Variants in GCNT2 observed in about 807,000 individuals in gnomAD.
GCNT2 encodes the protein N-acetyllactosaminide beta-1,6-N-acetylglucosaminyl-transferase.
A neutral mutation model predicts 34.2 loss-of-function variants in GCNT2; 34 were observed. The observed-to-expected ratio is 1.00, with a 90% confidence interval of 0.76 to 1.32. The LOEUF (loss-of-function observed/expected upper bound fraction) is 1.32, where lower values mean the gene tolerates loss of function less well. GCNT2 is among the 40% of genes most tolerant of loss of function. The pLI, the probability that GCNT2 is intolerant of heterozygous loss-of-function variation, is 0.00. For synonymous variants in GCNT2, 212 were observed against 188.0 expected, an observed-to-expected ratio of 1.13 and a Z score of -1.04; for missense variants, 584 against 489.4, an observed-to-expected ratio of 1.19 and a Z score of -1.82.
chr6:10,582,503 A>T (rs1250728385), intron 3 of GCNT2, among the ~76,000 whole-genome samples: 9,583 of 119,742 alleles, frequency 0.08, 580 homozygotes, highest in Non-Finnish European at 0.12. Context: ...TATATAATAT[A>T]ATACATCATA....
chr6:10,532,603 C>T (rs1048732543), intron 3 of GCNT2, among the ~76,000 whole-genome samples: 3 of 152,176 alleles, frequency 2.0e-5, no homozygotes, highest in Non-Finnish European at 4.4e-5. Context: ...TTCCAAGAGG[C>T]TGGGACTACA....
chr6:10,608,928 A>G (rs1765436126), intron 3 of GCNT2, among the ~76,000 whole-genome samples: 12 of 152,216 alleles, frequency 7.9e-5, no homozygotes, highest in Admixed American at 7.9e-4. Context: ...ATGTAGGTGA[A>G]TGAAACACGT....
At chr6:10,534,481 T>C (rs1265337876) in intron 3 of GCNT2, among the ~76,000 whole-genome samples, 1 of 152,074 alleles carries the variant, frequency 6.6e-6, no homozygotes, top group Non-Finnish European at 1.5e-5. Context: ...CCCATTCAGA[T>C]GTCCCCAGAG....
intron 3 of GCNT2, among the ~76,000 whole-genome samples, chr6:10,552,313 A>G (rs1467502407): frequency 6.6e-6 from 1 of 151,872 alleles, no homozygotes; most frequent in Non-Finnish European, 1.5e-5. Context: ...AAAAAAAAAA[A>G]AAATTTACAA....
intron 3 of GCNT2, among the ~76,000 whole-genome samples, chr6:10,533,231 G>A (rs976018554): frequency 2.0e-5 from 3 of 151,122 alleles, no homozygotes; most frequent in Non-Finnish European, 4.4e-5. Context: ...ACTTCAGCCT[G>A]GGAGGCGGAG....
At chr6:10,606,956 TA>T (rs1221942704) in intron 3 of GCNT2, among the ~76,000 whole-genome samples, 3 of 151,960 alleles carry the variant, frequency 2.0e-5, no homozygotes, top group Non-Finnish European at 4.4e-5. Context: ...TTTTATTATT[TA>T]TTTTTTTGAG....
intron 3 of GCNT2, among the ~76,000 whole-genome samples, chr6:10,577,347 C>T (rs1763865850): frequency 6.6e-6 from 1 of 152,164 alleles, no homozygotes; most frequent in Non-Finnish European, 1.5e-5. Context: ...GACTACATTC[C>T]CTACCTTCGG....
At chr6:10,603,456 C>T (rs566577521) in intron 3 of GCNT2, among the ~76,000 whole-genome samples, 2 of 152,312 alleles carry the variant, frequency 1.3e-5, no homozygotes, top group Admixed American at 6.5e-5. Flanking sequence ...CACAGCGCCA[C>T]GGTGGGAAGC....
intron 3 of GCNT2, among the ~76,000 whole-genome samples, chr6:10,535,371 T>C (rs149765869): frequency 0.01 from 1,573 of 152,300 alleles, 33 homozygotes; most frequent in African/African-American, 0.036. Flanking sequence ...AAATTAGGGC[T>C]TCCTGCCCTC....
intron 3 of GCNT2, among the ~76,000 whole-genome samples, chr6:10,602,059 G>A (rs533061805): frequency 1.2e-4 from 18 of 152,130 alleles, no homozygotes; most frequent in Non-Finnish European, 2.5e-4. Flanking sequence ...GGGTACGAGG[G>A]CAAACCACTG....
intron 3 of GCNT2, among the ~76,000 whole-genome samples, chr6:10,615,521 C>T (rs1410634144): frequency 6.6e-6 from 1 of 151,978 alleles, no homozygotes; most frequent in African/African-American, 2.4e-5. Flanking sequence ...TGTATGTTGC[C>T]CAGGCTGGTC....
At chr6:10,607,264 A>G (rs1208258000) in intron 3 of GCNT2, among the ~76,000 whole-genome samples, 1 of 152,120 alleles carries the variant, frequency 6.6e-6, no homozygotes, top group African/African-American at 2.4e-5. Context: ...AGCAAGCAAA[A>G]TCCTGGCATC....
chr6:10,551,590 G>A (rs1384698843), intron 3 of GCNT2, among the ~76,000 whole-genome samples: 1 of 151,328 alleles, frequency 6.6e-6, no homozygotes. Context: ...TACTACCGGC[G>A]CCCACCACCA....
At chr6:10,536,563 C>A (rs1285540513) in intron 3 of GCNT2, among the ~76,000 whole-genome samples, 1 of 151,676 alleles carries the variant, frequency 6.6e-6, no homozygotes, top group African/African-American at 2.4e-5. Context: ...ACCATGTTGG[C>A]CAGGATGGTG....
At chr6:10,522,502 A>G (rs1029088932) in intron 1 of GCNT2, among the ~76,000 whole-genome samples, 1 of 152,182 alleles carries the variant, frequency 6.6e-6, no homozygotes, top group South Asian at 2.1e-4. Context: ...AGTTACCTGT[A>G]GGCTGTGGTT....
chr6:10,617,987 T>G (rs939024416), intron 3 of GCNT2, among the ~76,000 whole-genome samples: 1 of 151,884 alleles, frequency 6.6e-6, no homozygotes, highest in Non-Finnish European at 1.5e-5. Flanking sequence ...ACTCCTGACC[T>G]CAGGTGATCC....
intron 3 of GCNT2, among the ~76,000 whole-genome samples, chr6:10,562,656 G>GAAAAAAAAA (rs57868433): frequency 1.3e-4 from 10 of 77,524 alleles, no homozygotes; most frequent in African/African-American, 1.7e-4. Flanking sequence ...GAACTTCTCT[G>GAAAAAAAAA]AAAAAAAAAA....
chr6:10,529,543 A>C lies in GCNT2; in HGVS notation c.632A>C (p.Lys211Thr), dbSNP rs1222499948. 3.7e-6 allele frequency: 6 copies of C among 1,614,068 alleles called. No homozygotes were observed. The East Asian group carries it at 1.1e-4, about 30-fold the overall frequency. Residue 211 changes from lysine to threonine, a missense_variant, in exon 3 of 5, where the codon AAA (lysine) becomes ACA (threonine). By Grantham distance (78) the Lys-to-Thr change is moderately conservative. Coordinates refer to ENST00000495262, the MANE Select transcript of GCNT2 (RefSeq NM_145649.5). ...ATAGTTCAGTATCTGAAGGGATTTA[A>C]AGGGAAAAATATCACCCCCGGAGTG... ...REIVQYLKGF[K>T]GKNITPGVLP... is the part of the protein sequence containing the mutation.
intron 3 of GCNT2, among the ~76,000 whole-genome samples, chr6:10,549,561 CTCTTTTTT>C (rs1762400149): frequency 2.7e-5 from 3 of 111,298 alleles, no homozygotes; most frequent in African/African-American, 1.3e-4. Context: ...CAATCTCTCT[CTCTTTTTT>C]TTTTTTTTTT....
Sources: allele counts gnomAD v4.1 joint callset (sites outside exome capture counted in the v4.1 genomes callset), GRCh38; gene constraint gnomAD v4.1.1; transcripts MANE v1.5; gene names NCBI Gene and HGNC (gene_info 2026-07-23, HGNC 2026-07-21).